MOCOS: variants seen among roughly 807,000 people sequenced by gnomAD.
The protein encoded by MOCOS is molybdenum cofactor sulfurase, also known as human molybdenum cofactor sulfurase.
In MOCOS, 86 loss-of-function variants were observed where a neutral mutation model predicts 83.6. The observed-to-expected ratio is 1.03, with a 90% CI of 0.86 to 1.23. MOCOS has a LOEUF of 1.23. MOCOS is among the 50% of genes most tolerant of loss of function. MOCOS has a pLI of 0.00. For missense variants in MOCOS, 1,120 were observed against 1,126.9 expected, an observed-to-expected ratio of 0.99 and a Z score of 0.09; for synonymous variants, 445 against 434.7, an observed-to-expected ratio of 1.02 and a Z score of -0.29.
In MOCOS at chr18:36,205,143, C is replaced by T. The variant is rs760399968; in HGVS notation, c.1085C>T (p.Ser362Phe). The T allele has an allele frequency of 6.2e-7, 1 of 1,613,744 alleles. No homozygotes were observed. The highest frequency in any genetic ancestry group is 8.5e-7 in the Non-Finnish European group (1 of 1,179,750). The change falls in exon 6 of 15, where the codon TCT (serine) becomes TTT (phenylalanine). Residue 362 changes from serine (S) to phenylalanine (F), a missense_variant. Transcript: ENST00000261326. ...LAQYTYVALS[S>F]LQYPNGAPVV... ...CAGTATACCTACGTGGCCCTGTCCT[C>T]TCTCCAGTACCCCAATGGAGCCCCT...
chr18:36,253,434 G>A (rs2091629237), intron 11 of MOCOS, among the ~76,000 whole-genome samples: 2 of 152,108 alleles, frequency 1.3e-5, no homozygotes, highest in Admixed American at 1.3e-4. Context: ...TTGGGAGGCC[G>A]AGGCGGGCAG....
intron 4 of MOCOS, 59 bp from the exon 5 acceptor site, chr18:36,203,054 A>G: frequency 6.6e-7 from 1 of 1,516,974 alleles, no homozygotes; most frequent in East Asian, 2.3e-5. Context: ...TATACCACGA[A>G]ATGCACATGG....
chr18:36,239,717 T>C (rs929642694), intron 9 of MOCOS, among the ~76,000 whole-genome samples: 2 of 148,402 alleles, frequency 1.3e-5, no homozygotes, highest in Non-Finnish European at 3.0e-5. Flanking sequence ...CTGGATAATA[T>C]CCTGCAGAGT....
Position 36,213,508 on chromosome 18 carries a change from A to T in MOCOS, c.1335+26A>T, listed in dbSNP as rs776730454. On this transcript the variant is annotated intron_variant, in intron 7 of 14. Coordinates refer to ENST00000261326, the MANE Select transcript of MOCOS (RefSeq NM_017947.4). ...GTTGGTACAGGGCTCTGCGATCCAG[A>T]CGCTGGTCAGCGAGACCCAGCAACA... 13 of 1,591,186 alleles carry T rather than the reference A, an allele frequency of 8.2e-6. No individual in the cohort carries two copies. The South Asian group carries it at 1.4e-4, about 18-fold the overall frequency.
At chr18:36,243,880 C>T (rs757679288) in intron 9 of MOCOS, among the ~76,000 whole-genome samples, 7 of 152,104 alleles carry the variant, frequency 4.6e-5, no homozygotes, top group East Asian at 1.9e-4. Context: ...TCCATCTTCT[C>T]TAGGTTTTCT....
At chr18:36,211,325 T>TGCCC (rs2091454805) in intron 6 of MOCOS, among the ~76,000 whole-genome samples, 1 of 151,330 alleles carries the variant, frequency 6.6e-6, no homozygotes, top group African/African-American at 2.5e-5. Context: ...TGCATGGTGA[T>TGCCC]TAAGAGCAGG....
At chr18:36,233,018 G>A (rs372792055) in intron 9 of MOCOS, among the ~76,000 whole-genome samples, 16 of 151,808 alleles carry the variant, frequency 1.1e-4, no homozygotes, top group African/African-American at 2.9e-4. Flanking sequence ...CCTCTCCTTC[G>A]TTATTATTAT....
In MOCOS at chr18:36,235,131, T is replaced by A. The variant is rs916488314; in HGVS notation, c.1961-13791T>A. ...AACAGTACCCCAAAATCAATTTTTTTAAATTTTTTTATTATTATACTTTAA... is the reference window on the plus strand; with the variant it reads ...AACAGTACCCCAAAATCAATTTTTTAAAATTTTTTTATTATTATACTTTAA... On this transcript the variant is annotated intron_variant, in intron 9 of 14. Transcript: ENST00000261326. Among the ~76,000 whole-genome samples the A allele has an allele frequency of 1.2e-4, 18 of 151,996 alleles. No individual in the cohort carries two copies. In the South Asian group the frequency reaches 1.9e-3, roughly 16 times the overall value.
chr18:36,195,499 T>C (rs759915581), intron 2 of MOCOS, among the ~76,000 whole-genome samples, 153 bp downstream of exon 2: 2 of 152,162 alleles, frequency 1.3e-5, no homozygotes, highest in Non-Finnish European at 2.9e-5. Flanking sequence ...GCACCCTGGG[T>C]CATTCTGTAC....
At chr18:36,195,444 C>T in intron 2 of MOCOS, 98 bp downstream of exon 2, 1 of 1,144,102 alleles carries the variant, frequency 8.7e-7, no homozygotes, top group Non-Finnish European at 1.3e-6. Flanking sequence ...AATATTCTGA[C>T]CACAAAAAGC....
chr18:36,227,541 G>A (rs1297583349), intron 9 of MOCOS, among the ~76,000 whole-genome samples: 1 of 151,944 alleles, frequency 6.6e-6, no homozygotes, highest in Non-Finnish European at 1.5e-5. Flanking sequence ...GATAACAAGT[G>A]CATGCCACCA....
Position 36,251,302 on chromosome 18 carries a change from G to C in MOCOS, c.2164+19G>C. Reference sequence around the variant, plus strand: ...GGAAAAGGTATTACATTTTGAATTGGTTCGTAGAGAACAGGAACCCTGGCT... The same window carrying C: ...GGAAAAGGTATTACATTTTGAATTGCTTCGTAGAGAACAGGAACCCTGGCT... On this transcript the variant is annotated intron_variant, in intron 11 of 14. Transcript: ENST00000261326. 1 of 1,613,316 alleles carries C rather than the reference G, an allele frequency of 6.2e-7. No homozygotes were observed. Among genetic ancestry groups the C allele is most frequent in the Non-Finnish European group, 8.5e-7 (1 of 1,179,658 alleles).
chr18:36,211,177 C>G (rs576864954), intron 6 of MOCOS, among the ~76,000 whole-genome samples: 1 of 152,138 alleles, frequency 6.6e-6, no homozygotes, highest in African/African-American at 2.4e-5. Context: ...TGGTGGCCTT[C>G]GGAAACATCA....
intron 8 of MOCOS, among the ~76,000 whole-genome samples, chr18:36,218,120 C>T (rs972231020): frequency 6.6e-6 from 1 of 152,154 alleles, no homozygotes; most frequent in Admixed American, 6.5e-5. Context: ...CAGGAGGGAG[C>T]TGCTGGTGGG....
intron 9 of MOCOS, among the ~76,000 whole-genome samples, chr18:36,226,358 C>T (rs1409252779): frequency 6.6e-6 from 1 of 151,992 alleles, no homozygotes; most frequent in Non-Finnish European, 1.5e-5. Context: ...TTTTGGTTAC[C>T]ATTTGCATGG....
chr18:36,221,632 CTGTT>C (rs2091496312), intron 9 of MOCOS, among the ~76,000 whole-genome samples: 1 of 151,226 alleles, frequency 6.6e-6, no homozygotes, highest in Admixed American at 6.6e-5. Context: ...CTGTTCTGTT[CTGTT>C]CTGTTCTGTT....
At chr18:36,266,954 G>A (rs1422540346) in intron 14 of MOCOS, 101 bp downstream of exon 14, 1 of 984,312 alleles carries the variant, frequency 1.0e-6, no homozygotes, top group Non-Finnish European at 1.6e-6. Flanking sequence ...TTAAATGGGG[G>A]ATTTGCTGCC....
intron 9 of MOCOS, among the ~76,000 whole-genome samples, chr18:36,220,969 A>G (rs2091493869): frequency 6.6e-6 from 1 of 151,838 alleles, no homozygotes; most frequent in Admixed American, 6.6e-5. Context: ...TATTAATTAG[A>G]TGATGTCCTA....
chr18:36,215,480 G>A, intron 7 of MOCOS, 36 bp from the exon 8 acceptor site: 2 of 1,587,742 alleles, frequency 1.3e-6, no homozygotes, highest in Non-Finnish European at 8.6e-7. Context: ...ATGAGAAAGG[G>A]GTCACTCTGG....
Sources: allele counts gnomAD v4.1 joint callset (sites outside exome capture counted in the v4.1 genomes callset), GRCh38; gene constraint gnomAD v4.1.1; transcripts MANE v1.5; gene names NCBI Gene and HGNC (gene_info 2026-07-23, HGNC 2026-07-21).